GNAQ: variants seen among roughly 807,000 people sequenced by gnomAD.
The protein encoded by GNAQ is G protein subunit alpha q, also known as guanine nucleotide-binding protein G(q) subunit alpha.
A neutral mutation model predicts 43.9 loss-of-function variants in GNAQ; 8 were observed. That is an observed-to-expected ratio of 0.18 (90% confidence interval 0.11 to 0.33). The LOEUF (loss-of-function observed/expected upper bound fraction) is 0.33. GNAQ is among the 10% of genes least tolerant of loss of function. GNAQ has a pLI of 1.00. For missense variants in GNAQ, 158 were observed against 450.8 expected, an observed-to-expected ratio of 0.35 and a Z score of 5.88; for synonymous variants, 155 against 170.7, an observed-to-expected ratio of 0.91 and a Z score of 0.71.
intron 1 of GNAQ, among the ~76,000 whole-genome samples, chr9:77,936,274 G>T (rs1043408310): frequency 6.6e-6 from 1 of 152,158 alleles, no homozygotes; most frequent in Non-Finnish European, 1.5e-5. Context: ...CATAACCCAA[G>T]ATATAATGTA....
rs1825279448 is a variant in GNAQ, at chr9:77,719,654, C to T, written c.*1669G>A. ...TCATGGCCTAATTCTAACGTCCCAG[C>T]AGCTTTGAACAATCATGATTTATTT... On this transcript the variant is annotated 3_prime_UTR_variant, in exon 7 of 7. Coordinates refer to ENST00000286548, the MANE Select transcript of GNAQ (RefSeq NM_002072.5). 1 of 232,696 alleles carries T rather than the reference C, an allele frequency of 4.3e-6. No individual in the cohort carries two copies. Among genetic ancestry groups the T allele is most frequent in the Admixed American group, 5.6e-5 (1 of 17,778 alleles). 14.4% of individuals were successfully genotyped at this position (232,696 alleles called of 1,614,324 possible).
At chr9:77,970,650 G>A (rs534440715) in intron 1 of GNAQ, among the ~76,000 whole-genome samples, 73 of 152,198 alleles carry the variant, frequency 4.8e-4, no homozygotes, top group African/African-American at 1.6e-3. Flanking sequence ...TGTGTAGAGG[G>A]AAATTTATAG....
chr9:77,724,058 A>C (rs963690641), intron 6 of GNAQ, among the ~76,000 whole-genome samples: 31 of 152,228 alleles, frequency 2.0e-4, no homozygotes, highest in African/African-American at 7.5e-4. Context: ...TATTAACTTA[A>C]AACTTACTGT....
At chr9:77,956,871 T>C (rs1587430182) in intron 1 of GNAQ, among the ~76,000 whole-genome samples, 1 of 152,170 alleles carries the variant, frequency 6.6e-6, no homozygotes, top group Non-Finnish European at 1.5e-5. Context: ...ACCTCAATGA[T>C]ACAAAAAGCC....
chr9:77,736,387 G>A (rs186455262), intron 5 of GNAQ, among the ~76,000 whole-genome samples: 14 of 152,166 alleles, frequency 9.2e-5, no homozygotes, highest in South Asian at 6.2e-4. Flanking sequence ...TCACACAGCC[G>A]GGATAGAAAT....
intron 1 of GNAQ, among the ~76,000 whole-genome samples, chr9:77,991,114 C>G (rs1248753760): frequency 1.3e-5 from 2 of 152,340 alleles, no homozygotes; most frequent in Middle Eastern, 3.4e-3. Context: ...ACTGACAAAA[C>G]TGTTTCTATA....
At chr9:77,997,488 A>T (rs1823584268) in intron 1 of GNAQ, among the ~76,000 whole-genome samples, 1 of 152,050 alleles carries the variant, frequency 6.6e-6, no homozygotes, top group African/African-American at 2.4e-5. Context: ...CTTTTTCCCC[A>T]TCAGGGCTTG....
At chr9:77,733,317 CAT>C (rs917868920) in intron 5 of GNAQ, among the ~76,000 whole-genome samples, 5 of 152,188 alleles carry the variant, frequency 3.3e-5, no homozygotes, top group African/African-American at 1.2e-4. Flanking sequence ...ATCCTGAACA[CAT>C]TGCTTTTTAA....
At chr9:77,973,815 G>A (rs1823268079) in intron 1 of GNAQ, among the ~76,000 whole-genome samples, 1 of 152,046 alleles carries the variant, frequency 6.6e-6, no homozygotes, top group South Asian at 2.1e-4. Context: ...GAGACTCAAA[G>A]TAGGGGGCAA....
Position 77,873,263 on chromosome 9 carries a change from G to C in GNAQ, c.321+48898C>G, listed in dbSNP as rs910616522. Among the ~76,000 whole-genome samples, 3 of 152,274 alleles carry C rather than the reference G, an allele frequency of 2.0e-5. No individual in the cohort carries two copies. The South Asian group carries it at 6.2e-4, about 32-fold the overall frequency. On this transcript the variant is annotated intron_variant, in intron 2 of 6. Coordinates refer to ENST00000286548, the MANE Select transcript of GNAQ (RefSeq NM_002072.5). The stretch of plus-strand genomic sequence containing the variant: ...GTAGAACAGCCAATACCTACTAGGT[G>C]GTTGGGCACAAAAAGGAAACGAACC...
chr9:78,013,033 G>A (rs936740682), intron 1 of GNAQ, among the ~76,000 whole-genome samples: 5 of 152,202 alleles, frequency 3.3e-5, no homozygotes, highest in African/African-American at 9.7e-5. Context: ...GGAAAGAAGA[G>A]TAAACTACTT....
intron 6 of GNAQ, among the ~76,000 whole-genome samples, chr9:77,728,151 C>T (rs1410660733): frequency 3.9e-5 from 6 of 152,138 alleles, no homozygotes; most frequent in South Asian, 4.2e-4. Context: ...CCTGCCACCA[C>T]GCCCAGCTAA....
intron 1 of GNAQ, among the ~76,000 whole-genome samples, chr9:77,939,984 T>C (rs1184322683): frequency 6.6e-6 from 1 of 152,156 alleles, no homozygotes; most frequent in Non-Finnish European, 1.5e-5. Flanking sequence ...TAATTTATCA[T>C]CCTAAAACAA....
At chr9:77,938,867 G>T (rs1238675590) in intron 1 of GNAQ, among the ~76,000 whole-genome samples, 2 of 152,206 alleles carry the variant, frequency 1.3e-5, no homozygotes, top group African/African-American at 4.8e-5. Context: ...ATGCACAACT[G>T]AATATTCAAA....
rs78291640 is a variant in GNAQ, at chr9:77,990,728, C to A, written c.136+40372G>T. Among the ~76,000 whole-genome samples the A allele has an allele frequency of 2.9e-3, 437 of 152,282 alleles. 2 individuals carry two copies. Among genetic ancestry groups the A allele is most frequent in the East Asian group, 0.023 (118 of 5,188 alleles). On this transcript the variant is annotated intron_variant, in intron 1 of 6. Transcript: ENST00000286548. ...CGTAAGTATAAAAGGGTGTTGGAAT[C>A]GAAAATTTGGCCTAACCATTTCATT...
chr9:77,853,343 C>A (rs970648204), intron 2 of GNAQ, among the ~76,000 whole-genome samples: 2 of 152,162 alleles, frequency 1.3e-5, no homozygotes, highest in Admixed American at 1.3e-4. Context: ...TGTTACAGGG[C>A]TACATGAAAT....
intron 1 of GNAQ, among the ~76,000 whole-genome samples, chr9:77,986,651 G>T (rs557829235): frequency 1.4e-4 from 21 of 152,000 alleles, no homozygotes; most frequent in Non-Finnish European, 2.8e-4. Flanking sequence ...GACTACAGGT[G>T]TGCATCAACA....
At chr9:77,903,723 G>A (rs991041942) in intron 2 of GNAQ, among the ~76,000 whole-genome samples, 15 of 151,978 alleles carry the variant, frequency 9.9e-5, no homozygotes, top group East Asian at 1.9e-4. Context: ...GTGTATGTAT[G>A]TGTGTATATA....
chr9:77,725,815 T>C (rs1378230229), intron 6 of GNAQ, among the ~76,000 whole-genome samples: 3 of 152,132 alleles, frequency 2.0e-5, no homozygotes, highest in Non-Finnish European at 4.4e-5. Flanking sequence ...TGGCTAGGTA[T>C]GCTGCATCTG....
Sources: allele counts gnomAD v4.1 joint callset (sites outside exome capture counted in the v4.1 genomes callset), GRCh38; gene constraint gnomAD v4.1.1; transcripts MANE v1.5; gene names NCBI Gene and HGNC (gene_info 2026-07-23, HGNC 2026-07-21).